The following DLG2 variants were observed in gnomAD, a reference collection of about 807,000 sequenced individuals.
DLG2 encodes the protein discs large MAGUK scaffold protein 2, also known as disks large homolog 2.
In DLG2, 45 loss-of-function variants were observed where a neutral mutation model predicts 132.5. The ratio of observed to expected loss-of-function variants is 0.34; its 90% confidence interval spans 0.27 to 0.44. The LOEUF (loss-of-function observed/expected upper bound fraction) is 0.44. Ranked by LOEUF, DLG2 falls within the 20% of genes least tolerant of loss-of-function variation. DLG2 has a pLI of 1.00. For missense variants in DLG2, 1,045 were observed against 1,196.9 expected, an observed-to-expected ratio of 0.87 and a Z score of 1.87; for synonymous variants, 424 against 419.6, an observed-to-expected ratio of 1.01 and a Z score of -0.13.
At chr11:84,646,827 G>A (rs1038437521) in intron 6 of DLG2, among the ~76,000 whole-genome samples, 2 of 152,026 alleles carry the variant, frequency 1.3e-5, no homozygotes, top group Admixed American at 6.6e-5. Context: ...TATGATAAGC[G>A]CTGTGCTGGA....
At chr11:85,612,015 T>C (rs2081041895) in intron 2 of DLG2, among the ~76,000 whole-genome samples, 1 of 150,866 alleles carries the variant, frequency 6.6e-6, no homozygotes, top group South Asian at 2.1e-4. Flanking sequence ...AGACTGAAAG[T>C]CAAAGAGAGA....
intron 4 of DLG2, among the ~76,000 whole-genome samples, chr11:85,238,681 T>C (rs905883090): frequency 2.0e-5 from 3 of 152,136 alleles, no homozygotes; most frequent in Non-Finnish European, 4.4e-5. Flanking sequence ...TCTCAAATTA[T>C]ATTAGAGTCT....
intron 6 of DLG2, among the ~76,000 whole-genome samples, chr11:84,615,818 T>TAAAAAAAA (rs559199428): frequency 4.3e-4 from 29 of 67,620 alleles, no homozygotes; most frequent in African/African-American, 1.0e-3. Context: ...ACAAAAACGG[T>TAAAAAAAA]AAAAAAAAAA....
At chr11:83,994,318 T>C (rs1223978086) in intron 11 of DLG2, among the ~76,000 whole-genome samples, 1 of 152,152 alleles carries the variant, frequency 6.6e-6, no homozygotes. Flanking sequence ...AGTTACCACT[T>C]TGAAGGTGGA....
intron 6 of DLG2, among the ~76,000 whole-genome samples, chr11:84,714,604 TTTCTCTTTCTC>T (rs2060921375): frequency 8.8e-6 from 1 of 114,274 alleles, no homozygotes; most frequent in African/African-American, 4.3e-5. Context: ...TTTCTTTCTC[TTTCTCTTTCTC>T]TTTCTCTTTC....
At chr11:85,285,038 C>A (rs866119535) in intron 4 of DLG2, among the ~76,000 whole-genome samples, 182 bp downstream of exon 4, 1 of 151,822 alleles carries the variant, frequency 6.6e-6, no homozygotes. Context: ...ATCATTCCCA[C>A]CCTATTTTAT....
chr11:84,229,384 A>G (rs1276467425), intron 8 of DLG2, among the ~76,000 whole-genome samples: 2 of 152,202 alleles, frequency 1.3e-5, no homozygotes, highest in African/African-American at 4.8e-5. Context: ...GATCCACGTA[A>G]CCCAAGTGGT....
intron 3 of DLG2, among the ~76,000 whole-genome samples, chr11:85,393,954 AGT>A (rs1355381664): frequency 6.6e-6 from 1 of 152,154 alleles, no homozygotes; most frequent in Admixed American, 6.6e-5. Context: ...CACTGGGTAC[AGT>A]GTACACTGCT....
At chr11:84,528,564 G>A (rs1275731359) in intron 7 of DLG2, among the ~76,000 whole-genome samples, 1 of 152,182 alleles carries the variant, frequency 6.6e-6, no homozygotes, top group Non-Finnish European at 1.5e-5. Flanking sequence ...GTTTAGGCAT[G>A]CCATATGTAA....
chr11:84,017,386 T>A (rs1000247187), intron 11 of DLG2, among the ~76,000 whole-genome samples: 1 of 152,066 alleles, frequency 6.6e-6, no homozygotes, highest in African/African-American at 2.4e-5. Flanking sequence ...TCAGTCACAA[T>A]TGGAAAGGAA....
At chr11:84,251,502 A>G (rs1015297415) in intron 7 of DLG2, among the ~76,000 whole-genome samples, 3 of 152,192 alleles carry the variant, frequency 2.0e-5, no homozygotes, top group African/African-American at 4.8e-5. Context: ...ACATAAAGAA[A>G]TTAAGTAAGC....
chr11:83,534,004 G>A (rs1425266675), intron 20 of DLG2, among the ~76,000 whole-genome samples: 1 of 152,170 alleles, frequency 6.6e-6, no homozygotes, highest in Non-Finnish European at 1.5e-5. Flanking sequence ...TAGTGGGGTG[G>A]AGAAGAGGGA....
chr11:83,908,558 C>T (rs181693469), intron 15 of DLG2, among the ~76,000 whole-genome samples: 3 of 152,190 alleles, frequency 2.0e-5, no homozygotes, highest in East Asian at 1.9e-4. Context: ...CTCACACCCA[C>T]GATTAGCATT....
At chr11:84,546,467 C>T (rs1707494120) in intron 6 of DLG2, 1 of 218,370 alleles carries the variant, frequency 4.6e-6, no homozygotes, top group African/African-American at 2.3e-5. Flanking sequence ...TATAAATTAC[C>T]CAGTCTTGGG....
At chr11:83,906,418 A>T (rs1369817849) in intron 15 of DLG2, among the ~76,000 whole-genome samples, 1 of 151,942 alleles carries the variant, frequency 6.6e-6, no homozygotes, top group Non-Finnish European at 1.5e-5. Context: ...TTCGGGAGAT[A>T]GGGGAGCACG....
intron 6 of DLG2, among the ~76,000 whole-genome samples, chr11:84,639,472 T>A (rs994408314): frequency 6.6e-6 from 1 of 151,958 alleles, no homozygotes; most frequent in Non-Finnish European, 1.5e-5. Context: ...TCTTATAACA[T>A]TGACAGTTCT....
At chr11:84,605,400 T>A (rs1005271185) in intron 6 of DLG2, among the ~76,000 whole-genome samples, 2 of 151,982 alleles carry the variant, frequency 1.3e-5, no homozygotes, top group Non-Finnish European at 2.9e-5. Flanking sequence ...ACAATTTACA[T>A]CAATGATAAT....
chr11:83,472,174 A>C (rs535948225), intron 23 of DLG2, among the ~76,000 whole-genome samples: 94 of 152,236 alleles, frequency 6.2e-4, no homozygotes, highest in Non-Finnish European at 1.1e-3. Flanking sequence ...AATACTCTCT[A>C]TACTTTGCTA....
At chr11:84,002,371 G>T (rs902846487) in intron 11 of DLG2, among the ~76,000 whole-genome samples, 2 of 152,168 alleles carry the variant, frequency 1.3e-5, no homozygotes, top group Non-Finnish European at 2.9e-5. Context: ...CTGTGTGGGG[G>T]TGCCCACCCG....
Sources: allele counts gnomAD v4.1 joint callset (sites outside exome capture counted in the v4.1 genomes callset), GRCh38; gene constraint gnomAD v4.1.1; transcripts MANE v1.5; gene names NCBI Gene and HGNC (gene_info 2026-07-23, HGNC 2026-07-21).